SPATA2: variants seen among roughly 807,000 people sequenced by gnomAD.
SPATA2 encodes spermatogenesis associated 2.
Under a neutral mutation model 35.4 loss-of-function variants are expected in SPATA2, and 8 were observed. That is an observed-to-expected ratio of 0.23 (90% CI 0.13 to 0.41). The LOEUF (loss-of-function observed/expected upper bound fraction) is 0.41. SPATA2 is among the 10% of genes least tolerant of loss of function. SPATA2 has a pLI of 1.00. For synonymous variants in SPATA2, 293 were observed against 300.9 expected, an observed-to-expected ratio of 0.97 and a Z score of 0.27; for missense variants, 650 against 698.7, an observed-to-expected ratio of 0.93 and a Z score of 0.79.
At chr20:49,912,389 T>C (rs2090186554) in intron 1 of SPATA2, among the ~76,000 whole-genome samples, 1 of 152,166 alleles carries the variant, frequency 6.6e-6, no homozygotes, top group Non-Finnish European at 1.5e-5. Context: ...GAGGTTGCAG[T>C]GAGCTGAGAT....
Position 49,905,503 on chromosome 20 carries a change from C to G in SPATA2, c.*116G>C. 1.7e-6 allele frequency: 2 copies of G among 1,203,642 alleles called. No homozygotes were observed. Among genetic ancestry groups the G allele is most frequent in the Non-Finnish European group, 2.3e-6 (2 of 855,318 alleles). 74.6% of individuals were successfully genotyped at this position (1,203,642 alleles called of 1,614,324 possible). ...CACAGCCAGCCCACGATCTCTGCCA[C>G]CTACATGGTCAAGTGCAGGCCTCCG... On this transcript the variant is annotated 3_prime_UTR_variant, in exon 3 of 3. Transcript: ENST00000289431.
Position 49,905,411 on chromosome 20 carries a change from C to G in SPATA2, c.*208G>C. ...AATCTGAACGGAAGTGCCACCTTCTCCCTTGTCAGACAACAAAGCAGCCAT... is the reference window on the plus strand; with the variant it reads ...AATCTGAACGGAAGTGCCACCTTCTGCCTTGTCAGACAACAAAGCAGCCAT... On this transcript the variant is annotated 3_prime_UTR_variant, in exon 3 of 3. Transcript: ENST00000289431. The G allele has an allele frequency of 5.1e-6, 3 of 587,384 alleles. No individual in the cohort carries two copies. The highest frequency in any genetic ancestry group is 6.1e-6 in the Non-Finnish European group (2 of 330,492). The allele number at this position is 587,384 out of a possible 1,614,324, so 36.4% of individuals were successfully genotyped here.
chr20:49,908,776 T>A (rs1475227960), intron 1 of SPATA2, among the ~76,000 whole-genome samples, 184 bp from the exon 2 acceptor site: 1 of 152,236 alleles, frequency 6.6e-6, no homozygotes, highest in East Asian at 1.9e-4. Context: ...CTTGACTTTG[T>A]TGTGCTCACA....
chr20:49,915,164 G>A (rs1018543141), intron 1 of SPATA2, among the ~76,000 whole-genome samples: 1 of 152,282 alleles, frequency 6.6e-6, no homozygotes, highest in East Asian at 1.9e-4. Flanking sequence ...CACCCTCGGC[G>A]GGTCCCAGGA....
rs559218756 is a variant in SPATA2, at chr20:49,914,221, A to C, written c.-103+1159T>G. ...CAGTCAGGGAGCCAGTGGCTTCTTT[A>C]GTTATTTTTTGAACATCTAAGAGGA... On this transcript the variant is annotated intron_variant, in intron 1 of 2. Transcript: ENST00000289431. Among the ~76,000 whole-genome samples, 4 of 152,144 alleles carry C rather than the reference A, an allele frequency of 2.6e-5. No individual in the cohort carries two copies. The East Asian group carries it at 7.7e-4, about 29-fold the overall frequency.
At chr20:49,912,636 C>T (rs935056562) in intron 1 of SPATA2, among the ~76,000 whole-genome samples, 1 of 152,152 alleles carries the variant, frequency 6.6e-6, no homozygotes, top group Non-Finnish European at 1.5e-5. Context: ...AGGAAGTCAG[C>T]CTTGAACTCA....
At chr20:49,914,190 A>G (rs2090196703) in intron 1 of SPATA2, among the ~76,000 whole-genome samples, 1 of 152,148 alleles carries the variant, frequency 6.6e-6, no homozygotes, top group South Asian at 2.1e-4. Flanking sequence ...AAAAAGAGAT[A>G]TTGCACAGTC....
At position 49,906,780 on chromosome 20, in the gene SPATA2, G is replaced by A. The variant is rs2090148037; in HGVS notation, c.402C>T (p.Ile134=). 6.2e-7 allele frequency: 1 copy of A among 1,613,794 alleles called. No individual in the cohort carries two copies. Among genetic ancestry groups the A allele is most frequent in the African/African-American group, 1.3e-5 (1 of 74,948 alleles). Residue 134 remains isoleucine (I), a synonymous_variant, in exon 3 of 3, where the codon ATC becomes ATT. Transcript: ENST00000289431. The surrounding 1 kb of genome is among the most constrained non-coding windows in gnomAD (Gnocchi z 8.2). ...CAGGTGTGTAGCCCATGCAGCTCAGGATGGCTCGGATGTCCTCTTCCAGTA... is the reference window on the plus strand; with the variant it reads ...CAGGTGTGTAGCCCATGCAGCTCAGAATGGCTCGGATGTCCTCTTCCAGTA... The part of the protein sequence containing the change: ...STLLEEDIRA[I]LSCMGYTPEL...
At position 49,914,501 on chromosome 20, in the gene SPATA2, T is replaced by C. The variant is rs918855845; in HGVS notation, c.-103+879A>G. ...GGAAGTCAGTTCAACCCCCTCCACCTCCCCACCCACACCAATGCACTCGTT... is the reference window on the plus strand; with the variant it reads ...GGAAGTCAGTTCAACCCCCTCCACCCCCCCACCCACACCAATGCACTCGTT... On this transcript the variant is annotated intron_variant, in intron 1 of 2. Transcript: ENST00000289431. 2.6e-5 allele frequency among the ~76,000 whole-genome samples: 4 copies of C among 151,618 alleles called. No individual in the cohort carries two copies. The East Asian group carries it at 7.7e-4, about 29-fold the overall frequency.
At position 49,905,902 on chromosome 20, in the gene SPATA2, GCCCCGT is replaced by G; in HGVS notation, c.1274_1279del (p.His425_Ala427delinsPro). On this transcript the variant is annotated inframe_deletion, in exon 3 of 3. Coordinates refer to ENST00000289431, the MANE Select transcript of SPATA2 (RefSeq NM_006038.4). ...GCCTGGGTACTTCTCCCGCAGAGAT[GCCCCGT>G]GGGCCAGGCTGTCATGAGTCGAGGC... 1 of 1,612,524 alleles carries G rather than the reference GCCCCGT, an allele frequency of 6.2e-7. No individual in the cohort carries two copies. Among genetic ancestry groups the G allele is most frequent in the Non-Finnish European group, 8.5e-7 (1 of 1,180,014 alleles).
At position 49,906,982 on chromosome 20, in the gene SPATA2, C is replaced by T. The variant is rs1023724217; in HGVS notation, c.337-137G>A. 5 of 933,856 alleles carry T rather than the reference C, an allele frequency of 5.4e-6. No individual in the cohort carries two copies. The highest frequency in any genetic ancestry group is 5.8e-5 in the Admixed American group (2 of 34,704). The allele number at this position is 933,856 out of a possible 1,614,324, so 57.8% of individuals were successfully genotyped here. A position where few individuals can be genotyped will look rare whatever the true frequency, so the allele number is the denominator to read the frequency against. On this transcript the variant is annotated intron_variant, in intron 2 of 2. Coordinates refer to ENST00000289431, the MANE Select transcript of SPATA2 (RefSeq NM_006038.4). The surrounding 1 kb of genome is among the most constrained non-coding windows in gnomAD (Gnocchi z 8.2). ...GCAGGGCAGGGAAGGATCTCGACAG[C>T]CTCACCCTGCGGGAGGCAGAAGACG...
In SPATA2 at chr20:49,906,722, C is replaced by A. The variant is rs745309286; in HGVS notation, c.460G>T (p.Val154Leu). ...ACCATCTTCACCTGGAGGGTCTCCA[C>A]GAGCTCTCTGAGCTTGTATGCAGTG... ...LGTAYKLREL[V>L]ETLQVKMVSF... The change falls in exon 3 of 3, where the codon GTG becomes TTG. Residue 154 changes from valine to leucine, a missense_variant. By Grantham distance (32) the Val-to-Leu change is conservative (BLOSUM62 1). Coordinates refer to ENST00000289431, the MANE Select transcript of SPATA2 (RefSeq NM_006038.4). The surrounding 1 kb of genome is among the most constrained non-coding windows in gnomAD (Gnocchi z 8.2). 6.2e-7 allele frequency: 1 copy of A among 1,614,218 alleles called. No individual in the cohort carries two copies. Among genetic ancestry groups the A allele is most frequent in the South Asian group, 1.1e-5 (1 of 91,086 alleles).
chr20:49,906,110 A>G lies in SPATA2; in HGVS notation c.1072T>C (p.Trp358Arg). ...GAGTGGGCATCGTTTCTGAGCAGCC[A>G]CACATCCGGCCGCAGAGCATCCTGC... ...RRQDALRPDVWLLRNDAHSLY... is the reference protein window; with the variant it reads ...RRQDALRPDVRLLRNDAHSLY... Residue 358 changes from tryptophan to arginine, a missense_variant, in exon 3 of 3, where the codon TGG becomes CGG. Trp to Arg is a moderately radical substitution (Grantham distance 101). Coordinates refer to ENST00000289431, the MANE Select transcript of SPATA2 (RefSeq NM_006038.4). This position sits in a 1 kb window ranked among gnomAD's most constrained non-coding sequence, Gnocchi z 8.2. 6.2e-7 allele frequency: 1 copy of G among 1,612,256 alleles called. No individual in the cohort carries two copies. The highest frequency in any genetic ancestry group is 8.5e-7 in the Non-Finnish European group (1 of 1,179,672).
At chr20:49,914,122 C>T (rs1360275469) in intron 1 of SPATA2, among the ~76,000 whole-genome samples, 1 of 151,882 alleles carries the variant, frequency 6.6e-6, no homozygotes, top group East Asian at 1.9e-4. Context: ...GTCAACGGCT[C>T]CAGTCAGCAC....
At chr20:49,915,159 T>C (rs1005692548) in intron 1 of SPATA2, among the ~76,000 whole-genome samples, 4 of 152,104 alleles carry the variant, frequency 2.6e-5, no homozygotes, top group Non-Finnish European at 4.4e-5. Context: ...TGAGCCACCC[T>C]CGGCGGGTCC....
At position 49,906,183 on chromosome 20, in the gene SPATA2, A is replaced by C; in HGVS notation, c.999T>G (p.Asp333Glu). 1.3e-6 allele frequency: 2 copies of C among 1,586,616 alleles called. No homozygotes were observed. Among genetic ancestry groups the C allele is most frequent in the Non-Finnish European group, 1.7e-6 (2 of 1,163,520 alleles). Residue 333 changes from aspartate (D) to glutamate (E), a missense_variant, in exon 3 of 3, where the codon GAT becomes GAG. By Grantham distance (45) the Asp-to-Glu change is conservative. Coordinates refer to ENST00000289431, the MANE Select transcript of SPATA2 (RefSeq NM_006038.4). This position sits in a 1 kb window ranked among gnomAD's most constrained non-coding sequence, Gnocchi z 8.2. ...LLRGTYFSTQDDVDLYTDSEP... is the reference protein window; with the variant it reads ...LLRGTYFSTQEDVDLYTDSEP... ...CAGAGTCTGTGTACAGATCCACGTC[A>C]TCCTGAGTGGAGAAGTAGGTACCGC...
At chr20:49,913,491 C>CCCTA (rs1468908165) in intron 1 of SPATA2, 2 of 152,326 alleles carry the variant, frequency 1.3e-5, no homozygotes, top group Admixed American at 1.3e-4. Flanking sequence ...AACTCACTTA[C>CCCTA]CCTAAGTCGT....
intron 1 of SPATA2, among the ~76,000 whole-genome samples, chr20:49,908,834 C>T (rs1272398210): frequency 1.3e-5 from 2 of 152,142 alleles, no homozygotes; most frequent in Non-Finnish European, 2.9e-5. Context: ...CGGGTGAGTA[C>T]AGCAGGAGCT....
At chr20:49,912,972 GGT>G in intron 1 of SPATA2, among the ~76,000 whole-genome samples, 1 of 151,942 alleles carries the variant, frequency 6.6e-6, no homozygotes, top group East Asian at 1.9e-4. Flanking sequence ...AGGTGGGTGT[GGT>G]GACACCCACC....
Sources: gnomAD v4.1 joint callset for allele counts (sites outside exome capture counted in the v4.1 genomes callset) on GRCh38, gnomAD v4.1.1 for gene constraint, Gnocchi (gnomAD v3.1) non-coding constraint, MANE v1.5 for transcripts, NCBI Gene and HGNC (gene_info 2026-07-23, HGNC 2026-07-21) for gene names.